The following SND1 variants were observed in gnomAD, a reference collection of about 807,000 sequenced individuals.
SND1 encodes staphylococcal nuclease and tudor domain containing 1.
Under a neutral mutation model 121.7 loss-of-function variants are expected in SND1, and 38 were observed. The observed-to-expected ratio is 0.31, with a 90% CI of 0.24 to 0.41. SND1 has a LOEUF of 0.41. SND1 is among the 10% of genes least tolerant of loss of function. The pLI is 1.00. For synonymous variants in SND1, 401 were observed against 447.4 expected (o/e 0.90, Z 1.31); for missense variants, 868 against 1,184.6 (o/e 0.73, Z 3.92).
At position 127,707,357 on chromosome 7, in the gene SND1, C is replaced by T. The variant is rs58971595; in HGVS notation, c.948-200C>T. Among the ~76,000 whole-genome samples the T allele has an allele frequency of 3.3e-3, 498 of 152,314 alleles. 2 individuals are homozygous for T. Among genetic ancestry groups the T allele is most frequent in the African/African-American group, 0.011 (439 of 41,568 alleles). On this transcript the variant is annotated intron_variant, in intron 8 of 23. Coordinates refer to ENST00000354725, the MANE Select transcript of SND1 (RefSeq NM_014390.4). ...AAATTGTATGCCTGGACCATAGTCT[C>T]CCAGCTGTGGGCTTACATTTTATAT...
rs7811008 is a variant in SND1 at position 127,956,895 on chromosome 7, A to G, written c.1669+27566A>G. Among the ~76,000 whole-genome samples, 1,208 of 152,244 alleles carry G rather than the reference A, an allele frequency of 7.9e-3. 18 individuals are homozygous for G. The highest frequency in any genetic ancestry group is 0.027 in the African/African-American group (1,129 of 41,530). On this transcript the variant is annotated intron_variant, in intron 15 of 23. Coordinates refer to ENST00000354725, the MANE Select transcript of SND1 (RefSeq NM_014390.4). ...CTTTTACTATCTTTTCCCCCTCTTCAGAATATAAAGTTCATGGAGGCAGAG... is the reference window on the plus strand; with the variant it reads ...CTTTTACTATCTTTTCCCCCTCTTCGGAATATAAAGTTCATGGAGGCAGAG...
Position 127,939,729 on chromosome 7 carries a change from G to A in SND1, c.1669+10400G>A, listed in dbSNP as rs967601081. On this transcript the variant is annotated intron_variant, in intron 15 of 23. Transcript: ENST00000354725. ...AGGATGGTGTGGCCTCCTGATTGGG[G>A]TGTTCAGCCCTTACCATCTACTGGG... Among the ~76,000 whole-genome samples the A allele has an allele frequency of 5.6e-4, 86 of 152,248 alleles. 1 individual carries two copies. The highest frequency in any genetic ancestry group is 1.8e-3 in the African/African-American group (75 of 41,544).
intron 6 of SND1, 125 bp from the exon 7 acceptor site, chr7:127,703,040 T>C (rs1796130270): frequency 1.0e-6 from 1 of 989,552 alleles, no homozygotes; most frequent in Non-Finnish European, 1.5e-6. Flanking sequence ...TTAGAAGGAC[T>C]GATTTAAGAC....
At position 128,084,741 on chromosome 7, in the gene SND1, C is replaced by T; in HGVS notation, c.2128C>T (p.Leu710=). The T allele has an allele frequency of 6.2e-7, 1 of 1,607,784 alleles. No homozygotes were observed. Residue 710 remains leucine, a synonymous_variant, in exon 19 of 24, where the codon CTG becomes TTG. Coordinates refer to ENST00000354725, the MANE Select transcript of SND1 (RefSeq NM_014390.4). Reference sequence around the variant, plus strand: ...CCTGGCAGGCACCCAGTTGGAGAAGCTGATGGAGAACATGCGCAATGACAT... The same window carrying T: ...CCTGGCAGGCACCCAGTTGGAGAAGTTGATGGAGAACATGCGCAATGACAT... The part of the protein sequence containing the change: ...DVETGTQLEK[L]MENMRNDIAS...
At chr7:127,975,651 G>A (rs188534363) in intron 15 of SND1, among the ~76,000 whole-genome samples, 163 of 152,316 alleles carry the variant, frequency 1.1e-3, no homozygotes, top group African/African-American at 3.6e-3. Flanking sequence ...ATCTACCAAA[G>A]TCGGCAGGAT....
chr7:127,940,338 A>C (rs1308276674), intron 15 of SND1, among the ~76,000 whole-genome samples: 3 of 152,108 alleles, frequency 2.0e-5, no homozygotes, highest in African/African-American at 7.2e-5. Context: ...ACCTGTGGGC[A>C]TTTCCCAGCA....
intron 15 of SND1, among the ~76,000 whole-genome samples, chr7:127,981,840 C>CT (rs1802269788): frequency 6.6e-6 from 1 of 152,206 alleles, no homozygotes; most frequent in Admixed American, 6.5e-5. Context: ...ACACACTCAC[C>CT]TTTAAGTCCT....
chr7:127,751,312 C>G (rs75382386), intron 10 of SND1, among the ~76,000 whole-genome samples: 221 of 152,140 alleles, frequency 1.5e-3, no homozygotes, highest in Admixed American at 7.2e-3. Context: ...GGCTTGTCTC[C>G]GATACTTGAG....
At chr7:128,073,523 T>G (rs2117049171) in intron 16 of SND1, among the ~76,000 whole-genome samples, 1 of 152,286 alleles carries the variant, frequency 6.6e-6, no homozygotes, top group African/African-American at 2.4e-5. Flanking sequence ...CCAGTATCCC[T>G]CATCCCTTCT....
intron 10 of SND1, among the ~76,000 whole-genome samples, chr7:127,782,971 T>C (rs1797749549): frequency 6.6e-6 from 1 of 152,338 alleles, no homozygotes; most frequent in South Asian, 2.1e-4. Context: ...AGTGTAGTAA[T>C]GTATGTGGCA....
intron 10 of SND1, among the ~76,000 whole-genome samples, chr7:127,788,369 T>C (rs1797850476): frequency 6.6e-6 from 1 of 152,208 alleles, no homozygotes. Flanking sequence ...ATTAGCAGAT[T>C]AGAGAATAGA....
At chr7:127,726,751 G>A (rs1038377131) in intron 10 of SND1, among the ~76,000 whole-genome samples, 1 of 152,120 alleles carries the variant, frequency 6.6e-6, no homozygotes, top group Admixed American at 6.5e-5. Flanking sequence ...CTGTTCTTGC[G>A]GTGCTATTGT....
intron 12 of SND1, among the ~76,000 whole-genome samples, chr7:127,845,854 T>C (rs181281038): frequency 6.6e-6 from 1 of 152,358 alleles, no homozygotes; most frequent in Non-Finnish European, 1.5e-5. Context: ...TTACACTGCT[T>C]AAAATGAGAT....
intron 1 of SND1, among the ~76,000 whole-genome samples, chr7:127,653,142 G>A (rs1489366610): frequency 6.6e-6 from 1 of 152,218 alleles, no homozygotes; most frequent in Non-Finnish European, 1.5e-5. Flanking sequence ...GAGCCCAAGT[G>A]TTCGGATTCC....
rs539690645 is a variant in SND1 at position 127,966,561 on chromosome 7, G to A, written c.1670-24386G>A. Among the ~76,000 whole-genome samples the A allele has an allele frequency of 2.8e-3, 214 of 76,534 alleles. 1 individual carries two copies. The highest frequency in any genetic ancestry group is 4.0e-3 in the Non-Finnish European group (165 of 41,174). 50.2% of individuals were successfully genotyped at this position (76,534 alleles called of 152,430 possible). A position where few individuals can be genotyped will look rare whatever the true frequency, so the allele number is the denominator to read the frequency against. On this transcript the variant is annotated intron_variant, in intron 15 of 23. Coordinates refer to ENST00000354725, the MANE Select transcript of SND1 (RefSeq NM_014390.4). ...AGGATTAAGAATCTCACTCAAAGCCGCTCAACTACATGGAAACTGAACAAC... is the reference window on the plus strand; with the variant it reads ...AGGATTAAGAATCTCACTCAAAGCCACTCAACTACATGGAAACTGAACAAC...
At position 127,679,873 on chromosome 7, in the gene SND1, A is replaced by G. The variant is rs138972884; in HGVS notation, c.79-6740A>G. Among the ~76,000 whole-genome samples the G allele has an allele frequency of 6.7e-3, 1,021 of 152,206 alleles. 11 individuals are homozygous for G. Among genetic ancestry groups the G allele is most frequent in the Middle Eastern group, 0.017 (5 of 294 alleles). Reference sequence around the variant, plus strand: ...TATTGTTTTCTCTCTTTTTTTGGCTATTATGAATGATGTTGCAATGAGCAT... The same window carrying G: ...TATTGTTTTCTCTCTTTTTTTGGCTGTTATGAATGATGTTGCAATGAGCAT... On this transcript the variant is annotated intron_variant, in intron 1 of 23. Transcript: ENST00000354725.
chr7:127,802,164 C>A (rs912753011), intron 10 of SND1, among the ~76,000 whole-genome samples: 1 of 152,048 alleles, frequency 6.6e-6, no homozygotes, highest in Non-Finnish European at 1.5e-5. Context: ...TTTACTCCCC[C>A]CAAAATTCAA....
At chr7:128,049,291 T>C (rs1348852382) in intron 16 of SND1, among the ~76,000 whole-genome samples, 2 of 152,170 alleles carry the variant, frequency 1.3e-5, no homozygotes, top group African/African-American at 4.8e-5. Flanking sequence ...GAAGATTTTC[T>C]GTCTTCTGGT....
rs947819196 is a variant in SND1, at chr7:127,872,680, C to T, written c.1344-15222C>T. Among the ~76,000 whole-genome samples the T allele has an allele frequency of 3.3e-5, 5 of 151,370 alleles. No homozygotes were observed. In the East Asian group the frequency reaches 5.8e-4, roughly 18 times the overall value. On this transcript the variant is annotated intron_variant, in intron 12 of 23. Transcript: ENST00000354725. Reference sequence around the variant, plus strand: ...CACACACACACACACGACTCTGCCACGCAGTGAATCTTTTTTAGAATGTTG... The same window carrying T: ...CACACACACACACACGACTCTGCCATGCAGTGAATCTTTTTTAGAATGTTG...
Sources: allele counts gnomAD v4.1 joint callset (sites outside exome capture counted in the v4.1 genomes callset), GRCh38; gene constraint gnomAD v4.1.1; transcripts MANE v1.5; gene names NCBI Gene and HGNC (gene_info 2026-07-23, HGNC 2026-07-21).